SLC30A8: variants seen among roughly 807,000 people sequenced by gnomAD.
SLC30A8 encodes solute carrier family 30 member 8.
SLC30A8 carries 27 observed loss-of-function variants against 36.9 expected under a neutral mutation model. The ratio of observed to expected loss-of-function variants is 0.73; its 90% CI spans 0.54 to 1.01. SLC30A8 has a LOEUF of 1.01. SLC30A8 is among the 50% of genes least tolerant of loss of function. The pLI, the probability that SLC30A8 is intolerant of heterozygous loss-of-function variation, is 0.00. For synonymous variants in SLC30A8, 164 were observed against 172.4 expected, an observed-to-expected ratio of 0.95 and a Z score of 0.38; for missense variants, 439 against 452.0, an observed-to-expected ratio of 0.97 and a Z score of 0.26.
chr8:117,030,732 A>G (rs141097832), intron 1 of SLC30A8, among the ~76,000 whole-genome samples: 16 of 152,296 alleles, frequency 1.1e-4, no homozygotes, highest in Middle Eastern at 6.8e-3. Flanking sequence ...AAATCTTTGA[A>G]AAGTTACAAG....
intron 2 of SLC30A8, among the ~76,000 whole-genome samples, chr8:117,150,515 C>T (rs933643137): frequency 2.0e-5 from 3 of 152,246 alleles, no homozygotes; most frequent in African/African-American, 7.2e-5. Flanking sequence ...CTGCTCTGCA[C>T]ATCTTGTCAA....
chr8:117,000,526 T>C (rs1586381531), intron 1 of SLC30A8, among the ~76,000 whole-genome samples: 1 of 152,222 alleles, frequency 6.6e-6, no homozygotes, highest in East Asian at 1.9e-4. Context: ...TGCTTAGTTT[T>C]GTGCCTGGAT....
chr8:117,031,610 A>T (rs1406399845), intron 1 of SLC30A8, among the ~76,000 whole-genome samples: 1 of 151,698 alleles, frequency 6.6e-6, no homozygotes, highest in Non-Finnish European at 1.5e-5. Flanking sequence ...ACAGGCATGC[A>T]CCACCACACC....
chr8:117,092,849 G>A (rs755800217), intron 2 of SLC30A8, among the ~76,000 whole-genome samples: 38 of 152,244 alleles, frequency 2.5e-4, no homozygotes, highest in South Asian at 4.2e-4. Context: ...TCCTTGCTTC[G>A]GACTGGAGTG....
intron 2 of SLC30A8, among the ~76,000 whole-genome samples, chr8:117,125,197 G>A (rs2130909892): frequency 6.6e-6 from 1 of 152,064 alleles, no homozygotes; most frequent in East Asian, 1.9e-4. Flanking sequence ...TTTTGGTGTT[G>A]CCATGATTGC....
At chr8:117,067,701 G>A (rs1291675273) in intron 2 of SLC30A8, among the ~76,000 whole-genome samples, 4 of 151,986 alleles carry the variant, frequency 2.6e-5, no homozygotes, top group Admixed American at 6.6e-5. Context: ...TAGGAAATAC[G>A]GAGTAATCAT....
intron 2 of SLC30A8, among the ~76,000 whole-genome samples, chr8:117,120,122 T>G (rs2130898652): frequency 6.6e-6 from 1 of 152,050 alleles, no homozygotes. Context: ...AAAAAAATCC[T>G]ATAATTTGTA....
At chr8:116,971,424 T>C (rs1410203212) in intron 1 of SLC30A8, among the ~76,000 whole-genome samples, 1 of 152,226 alleles carries the variant, frequency 6.6e-6, no homozygotes, top group Non-Finnish European at 1.5e-5. Context: ...GATTCTTTAC[T>C]ACTTTCTTCC....
intron 1 of SLC30A8, among the ~76,000 whole-genome samples, chr8:117,142,133 T>C (rs1821681872): frequency 6.6e-6 from 1 of 152,152 alleles, no homozygotes; most frequent in African/African-American, 2.4e-5. Context: ...TTCTCCAGGT[T>C]ACTCTAACCA....
In SLC30A8 at chr8:117,172,868, G is replaced by A. The variant is rs1158042044; in HGVS notation, c.*187G>A. ...AGGCACTGAGATCCATCAATCAATT[G>A]GATTATATACTGATCAGTAGCTGTG... On this transcript the variant is annotated 3_prime_UTR_variant, in exon 8 of 8. Coordinates refer to ENST00000456015, the MANE Select transcript of SLC30A8 (RefSeq NM_173851.3). 7.6e-6 allele frequency: 5 copies of A among 654,432 alleles called. No homozygotes were observed. The highest frequency in any genetic ancestry group is 1.3e-5 in the Non-Finnish European group (5 of 384,400). The allele number at this position is 654,432 out of a possible 1,614,324, so 40.5% of individuals were successfully genotyped here. A position where few individuals can be genotyped will look rare whatever the true frequency, so the allele number is the denominator to read the frequency against.
intron 2 of SLC30A8, among the ~76,000 whole-genome samples, chr8:117,087,993 T>A (rs530983136): frequency 4.0e-5 from 6 of 149,788 alleles, no homozygotes; most frequent in Non-Finnish European, 8.9e-5. Context: ...GAAAGGTAAA[T>A]GTGTCAAGTG....
At chr8:117,075,798 A>G (rs1162869292) in intron 2 of SLC30A8, among the ~76,000 whole-genome samples, 1 of 152,184 alleles carries the variant, frequency 6.6e-6, no homozygotes, top group Non-Finnish European at 1.5e-5. Context: ...TATAACATGC[A>G]GGCAAAAAAC....
At chr8:117,023,589 G>T (rs1816778024) in intron 1 of SLC30A8, among the ~76,000 whole-genome samples, 1 of 151,950 alleles carries the variant, frequency 6.6e-6, no homozygotes, top group Admixed American at 6.6e-5. Context: ...GATGAAGCTG[G>T]AAACCATCAT....
At chr8:117,038,989 G>A (rs1475857356) in intron 1 of SLC30A8, among the ~76,000 whole-genome samples, 1 of 152,194 alleles carries the variant, frequency 6.6e-6, no homozygotes, top group Non-Finnish European at 1.5e-5. Flanking sequence ...AGGGAAGGCA[G>A]TGCCAGCTGA....
chr8:116,950,886 C>T (rs1456410042), upstream of SLC30A8: 1 of 152,196 alleles, frequency 6.6e-6, no homozygotes, highest in Admixed American at 6.5e-5. Context: ...CAGGTGCTGC[C>T]ATAGCTGATA....
At chr8:117,044,288 G>A (rs1205644783) in intron 2 of SLC30A8, among the ~76,000 whole-genome samples, 1 of 152,142 alleles carries the variant, frequency 6.6e-6, no homozygotes, top group Non-Finnish European at 1.5e-5. Flanking sequence ...CTAGTAAATC[G>A]GTAACATTGT....
chr8:117,009,512 A>T (rs540262415), intron 1 of SLC30A8, among the ~76,000 whole-genome samples: 1 of 152,276 alleles, frequency 6.6e-6, no homozygotes, highest in Admixed American at 6.5e-5. Flanking sequence ...CAATTTTGTG[A>T]TCTTGTGACA....
chr8:117,108,386 A>G (rs1197053479), intron 2 of SLC30A8, among the ~76,000 whole-genome samples: 1 of 152,200 alleles, frequency 6.6e-6, no homozygotes, highest in Non-Finnish European at 1.5e-5. Flanking sequence ...CTCATATGCT[A>G]AATTCAGACT....
At chr8:117,005,835 A>G (rs969105686) in intron 1 of SLC30A8, among the ~76,000 whole-genome samples, 1 of 152,184 alleles carries the variant, frequency 6.6e-6, no homozygotes, top group Admixed American at 6.5e-5. Flanking sequence ...ACTTCATGAA[A>G]CTGAGCCTCC....
Sources: allele counts gnomAD v4.1 joint callset (sites outside exome capture counted in the v4.1 genomes callset), GRCh38; gene constraint gnomAD v4.1.1; transcripts MANE v1.5; gene names NCBI Gene and HGNC (gene_info 2026-07-23, HGNC 2026-07-21).